Variants in PRKN observed in about 807,000 individuals in gnomAD.
The protein encoded by PRKN is E3 ubiquitin-protein ligase parkin.
In PRKN, 56 loss-of-function variants were observed where a neutral mutation model predicts 59.5. The observed-to-expected ratio is 0.94, with a 90% CI of 0.76 to 1.18. The LOEUF is 1.18. Ranked by LOEUF, PRKN falls within the 50% of genes most tolerant of loss-of-function variation. PRKN has a pLI of 0.00. For synonymous variants in PRKN, 250 were observed against 222.1 expected (o/e 1.13, Z -1.12); for missense variants, 657 against 596.4 (o/e 1.10, Z -1.06).
intron 6 of PRKN, among the ~76,000 whole-genome samples, chr6:161,867,109 C>T (rs1794141549): frequency 6.6e-6 from 1 of 152,096 alleles, no homozygotes; most frequent in Admixed American, 6.6e-5. Context: ...TTTTTTTCAT[C>T]AGTCTTTATT....
At position 162,133,570 on chromosome 6, in the gene PRKN, C is replaced by T. The variant is rs138429638; in HGVS notation, c.534+67561G>A. On this transcript the variant is annotated intron_variant, in intron 4 of 11. Transcript: ENST00000366898. ...GATGGAGAAAGGGAGAGAAATAGGG[C>T]TGGAAATATCAATTTTGTAGTCATC... Among the ~76,000 whole-genome samples the T allele has an allele frequency of 2.1e-3, 316 of 152,122 alleles. 1 individual carries two copies. Among genetic ancestry groups the T allele is most frequent in the Non-Finnish European group, 3.8e-3 (259 of 68,004 alleles).
At chr6:162,624,955 T>C (rs1410096708) in intron 1 of PRKN, among the ~76,000 whole-genome samples, 1 of 152,206 alleles carries the variant, frequency 6.6e-6, no homozygotes, top group African/African-American at 2.4e-5. Flanking sequence ...AAAATACAAT[T>C]AGTGTTTCAA....
intron 4 of PRKN, among the ~76,000 whole-genome samples, chr6:162,174,143 A>G (rs1783422555): frequency 6.6e-6 from 1 of 152,218 alleles, no homozygotes; most frequent in Non-Finnish European, 1.5e-5. Context: ...TATACAGTTT[A>G]AAGGTAGAAT....
At chr6:162,523,396 C>A (rs1778151320) in intron 1 of PRKN, among the ~76,000 whole-genome samples, 1 of 152,182 alleles carries the variant, frequency 6.6e-6, no homozygotes. Context: ...GGTACAGTGG[C>A]TCATGCCTAT....
intron 6 of PRKN, among the ~76,000 whole-genome samples, chr6:161,942,982 CTT>C (rs1440290696): frequency 1.3e-5 from 2 of 152,138 alleles, no homozygotes; most frequent in Non-Finnish European, 2.9e-5. Context: ...AGAAAGAAAT[CTT>C]TATTCTTATC....
intron 3 of PRKN, among the ~76,000 whole-genome samples, chr6:162,243,070 T>G (rs1186634400): frequency 6.6e-6 from 1 of 151,956 alleles, no homozygotes; most frequent in Non-Finnish European, 1.5e-5. Context: ...AGAACAGCAC[T>G]GTTCTCATCA....
intron 1 of PRKN, among the ~76,000 whole-genome samples, chr6:162,699,482 A>C (rs1162830672): frequency 6.6e-6 from 1 of 152,212 alleles, no homozygotes; most frequent in Admixed American, 6.5e-5. Flanking sequence ...TATACAGTTC[A>C]CTGGAAATCA....
chr6:161,745,513 C>A (rs928901328), intron 7 of PRKN, among the ~76,000 whole-genome samples: 1 of 152,192 alleles, frequency 6.6e-6, no homozygotes, highest in African/African-American at 2.4e-5. Flanking sequence ...CACCTGCGAC[C>A]AGGGGCACCA....
chr6:162,624,183 G>C (rs1335669859), intron 1 of PRKN, among the ~76,000 whole-genome samples: 3 of 151,034 alleles, frequency 2.0e-5, no homozygotes, highest in South Asian at 4.2e-4. Context: ...AGGAGGCGGA[G>C]GTTGCAGTGA....
chr6:162,044,613 A>T (rs1341426474), intron 5 of PRKN, among the ~76,000 whole-genome samples: 1 of 152,226 alleles, frequency 6.6e-6, no homozygotes, highest in East Asian at 1.9e-4. Context: ...GGGAATGTTG[A>T]TTTTATACAC....
chr6:162,694,518 ACT>A (rs1236644653), intron 1 of PRKN, among the ~76,000 whole-genome samples: 2 of 152,044 alleles, frequency 1.3e-5, no homozygotes, highest in Non-Finnish European at 2.9e-5. Flanking sequence ...AACCATAGTG[ACT>A]CTCTTAAGGT....
At chr6:162,487,675 AT>A (rs574497613) in intron 1 of PRKN, among the ~76,000 whole-genome samples, 8 of 150,698 alleles carry the variant, frequency 5.3e-5, no homozygotes, top group South Asian at 2.1e-4. Flanking sequence ...ATGGACCAGA[AT>A]TTTTTTTTTA....
intron 6 of PRKN, among the ~76,000 whole-genome samples, chr6:161,921,383 G>A (rs1331727413): frequency 6.6e-6 from 1 of 152,140 alleles, no homozygotes; most frequent in Non-Finnish European, 1.5e-5. Flanking sequence ...TTATTTATAA[G>A]TAGGAGTATA....
chr6:161,810,176 A>T (rs576925709), intron 6 of PRKN, among the ~76,000 whole-genome samples: 1 of 152,284 alleles, frequency 6.6e-6, no homozygotes, highest in South Asian at 2.1e-4. Flanking sequence ...AGTCCTTACA[A>T]GAAGCAGAGA....
chr6:161,568,433 A>G (rs1192426156), intron 8 of PRKN, among the ~76,000 whole-genome samples: 1 of 151,830 alleles, frequency 6.6e-6, no homozygotes, highest in African/African-American at 2.4e-5. Flanking sequence ...CTCTACCAAA[A>G]ATATAAAAAA....
intron 4 of PRKN, among the ~76,000 whole-genome samples, chr6:162,190,427 A>C (rs1784226649): frequency 6.6e-6 from 1 of 152,160 alleles, no homozygotes; most frequent in Non-Finnish European, 1.5e-5. Context: ...CTCTCCCTCA[A>C]CCTTATAAGA....
intron 7 of PRKN, among the ~76,000 whole-genome samples, chr6:161,655,492 G>A (rs928928942): frequency 1.3e-4 from 20 of 152,218 alleles, no homozygotes; most frequent in African/African-American, 4.6e-4. Flanking sequence ...GCGTTCCTGG[G>A]CCCACCCAGC....
At chr6:161,861,747 G>A (rs6906994) in intron 6 of PRKN, among the ~76,000 whole-genome samples, 72,094 of 151,706 alleles carry the variant, frequency 0.48, 17,439 homozygotes, top group East Asian at 0.74. Context: ...ATTCAACTAA[G>A]ATATAAATGT....
chr6:161,691,724 G>A (rs138794578), intron 7 of PRKN, among the ~76,000 whole-genome samples: 336 of 152,252 alleles, frequency 2.2e-3, no homozygotes, highest in Middle Eastern at 6.8e-3. Flanking sequence ...GTACTAAATA[G>A]GCCATGAAAA....
Sources: gnomAD v4.1 joint callset for allele counts (sites outside exome capture counted in the v4.1 genomes callset) on GRCh38, gnomAD v4.1.1 for gene constraint, MANE v1.5 for transcripts, NCBI Gene and HGNC (gene_info 2026-07-23, HGNC 2026-07-21) for gene names.